The following ENPP3 variants were observed in gnomAD, a reference collection of about 807,000 sequenced individuals.
ENPP3 encodes ectonucleotide pyrophosphatase/phosphodiesterase 3, also known as ectonucleotide pyrophosphatase/phosphodiesterase family member 3.
Under a neutral mutation model 117.8 loss-of-function variants are expected in ENPP3, and 104 were observed. The observed-to-expected ratio is 0.88, with a 90% CI of 0.75 to 1.04. ENPP3 has a LOEUF of 1.04. ENPP3 is among the 50% of genes least tolerant of loss of function. ENPP3 has a pLI of 0.00. For synonymous variants in ENPP3, 380 were observed against 349.9 expected, an observed-to-expected ratio of 1.09 and a Z score of -0.96; for missense variants, 1,026 against 1,051.9, an observed-to-expected ratio of 0.98 and a Z score of 0.34.
chr6:131,722,476 C>T, intron 18 of ENPP3, 71 bp downstream of exon 18: 1 of 1,267,886 alleles, frequency 7.9e-7, no homozygotes, highest in Non-Finnish European at 1.1e-6. Context: ...TAGCTGACAA[C>T]TGGGGTAGCA....
intron 6 of ENPP3, among the ~76,000 whole-genome samples, chr6:131,660,492 A>G (rs1778476186): frequency 6.6e-6 from 1 of 152,258 alleles, no homozygotes; most frequent in South Asian, 2.1e-4. Context: ...GGCCAAGATC[A>G]GGAAACTGTC....
chr6:131,716,473 A>T (rs1779889828), intron 15 of ENPP3, among the ~76,000 whole-genome samples: 1 of 151,972 alleles, frequency 6.6e-6, no homozygotes, highest in African/African-American at 2.4e-5. Context: ...TTTTTCTGAA[A>T]ATAGAAAAAT....
At chr6:131,674,582 C>CT (rs111529330) in intron 8 of ENPP3, among the ~76,000 whole-genome samples, 7,425 of 137,706 alleles carry the variant, frequency 0.054, 351 homozygotes, top group African/African-American at 0.14. Flanking sequence ...TTTTTTTTTT[C>CT]TTTTTTTTTG....
intron 21 of ENPP3, 40 bp from the exon 22 acceptor site, chr6:131,737,315 C>G (rs760975696): frequency 1.6e-6 from 2 of 1,265,614 alleles, no homozygotes; most frequent in Non-Finnish European, 2.3e-6. Flanking sequence ...GTCATATTTT[C>G]TCTTATAGCT....
intron 7 of ENPP3, among the ~76,000 whole-genome samples, chr6:131,671,551 AC>A (rs1778742180): frequency 6.6e-6 from 1 of 152,140 alleles, no homozygotes; most frequent in Non-Finnish European, 1.5e-5. Context: ...AGGTTAATTC[AC>A]CTGTGTCGAG....
At chr6:131,744,435 G>C (rs1437083597) in intron 24 of ENPP3, among the ~76,000 whole-genome samples, 1 of 152,210 alleles carries the variant, frequency 6.6e-6, no homozygotes, top group African/African-American at 2.4e-5. Flanking sequence ...TGCCAAAGGG[G>C]AGAAAGTGGA....
At chr6:131,710,755 T>G (rs1779765143) in intron 15 of ENPP3, 1 of 1,612,426 alleles carries the variant, frequency 6.2e-7, no homozygotes, top group African/African-American at 1.3e-5. Context: ...TTTACATTTT[T>G]CTTCAATTAG....
rs1163509024 is a variant in ENPP3 at position 131,637,306 on chromosome 6, A to G, written c.-79A>G. 1 of 831,164 alleles carries G rather than the reference A, an allele frequency of 1.2e-6. No homozygotes were observed. The highest frequency in any genetic ancestry group is 1.8e-5 in the African/African-American group (1 of 56,986). The allele number at this position is 831,164 out of a possible 1,614,324, so 51.5% of individuals were successfully genotyped here. On this transcript the variant is annotated 5_prime_UTR_variant, in exon 1 of 25. Transcript: ENST00000357639. ...TCAGGCACAGCTATGTAACTCATAC[A>G]GTTTCTCTTTGCCAGACTAGACTAA...
At position 131,720,360 on chromosome 6, in the gene ENPP3, A is replaced by C. The variant is rs758261918; in HGVS notation, c.1548A>C (p.Glu516Asp). 6.3e-7 allele frequency: 1 copy of C among 1,581,860 alleles called. No individual in the cohort carries two copies. The highest frequency in any genetic ancestry group is 2.3e-5 in the East Asian group (1 of 44,222). ...KTEVEPFENI[E>D]VYNLMCDLLR... ...AAGTTGAACCATTTGAAAATATTGA[A>C]GTCTATAACCTAATGTGTGGTAAGT... The change falls in exon 17 of 25, where the codon GAA becomes GAC. Residue 516 changes from glutamate (E) to aspartate (D), a missense_variant. Glu to Asp is a conservative substitution (Grantham distance 45). Coordinates refer to ENST00000357639, the MANE Select transcript of ENPP3 (RefSeq NM_005021.5).
At chr6:131,641,559 T>A in intron 2 of ENPP3, 29 bp downstream of exon 2, 1 of 1,363,364 alleles carries the variant, frequency 7.3e-7, no homozygotes, top group Non-Finnish European at 1.0e-6. Context: ...TCTCAGAACA[T>A]TCCCTTATTT....
At chr6:131,693,045 AAT>A (rs1562455988) in intron 14 of ENPP3, among the ~76,000 whole-genome samples, 2 of 145,708 alleles carry the variant, frequency 1.4e-5, no homozygotes, top group African/African-American at 5.0e-5. Context: ...AGTTATATAT[AAT>A]ATATATGTTT....
chr6:131,689,512 T>C (rs1369672990), intron 14 of ENPP3, among the ~76,000 whole-genome samples: 1 of 152,184 alleles, frequency 6.6e-6, no homozygotes, highest in African/African-American at 2.4e-5. Flanking sequence ...TTAAACTCAC[T>C]GTTGAGACTT....
intron 2 of ENPP3, among the ~76,000 whole-genome samples, chr6:131,648,787 G>T (rs1293429458): frequency 6.6e-6 from 1 of 152,142 alleles, no homozygotes; most frequent in Non-Finnish European, 1.5e-5. Context: ...TTTTCAATGG[G>T]AATGCATAGC....
At chr6:131,720,899 T>A (rs1244501348) in intron 17 of ENPP3, among the ~76,000 whole-genome samples, 1 of 152,124 alleles carries the variant, frequency 6.6e-6, no homozygotes, top group East Asian at 1.9e-4. Flanking sequence ...ATGATAAACT[T>A]TAGATCTCAG....
chr6:131,732,606 T>C (rs1780305007), intron 20 of ENPP3, among the ~76,000 whole-genome samples: 1 of 151,066 alleles, frequency 6.6e-6, no homozygotes, highest in Non-Finnish European at 1.5e-5. Flanking sequence ...AGAGATGGGG[T>C]TTCACTATGT....
chr6:131,724,733 T>G (rs895669224), intron 19 of ENPP3, among the ~76,000 whole-genome samples: 4 of 152,200 alleles, frequency 2.6e-5, no homozygotes, highest in African/African-American at 9.6e-5. Flanking sequence ...GATAATCTTA[T>G]AATCTGCCAA....
At chr6:131,737,308 A>G (rs767687172) in intron 21 of ENPP3, 47 bp from the exon 22 acceptor site, 4 of 1,180,286 alleles carry the variant, frequency 3.4e-6, no homozygotes, top group African/African-American at 1.5e-5. Context: ...GCAGTATGTC[A>G]TATTTTCTCT....
intron 22 of ENPP3, among the ~76,000 whole-genome samples, chr6:131,737,815 C>G (rs529944155): frequency 6.6e-6 from 1 of 152,276 alleles, no homozygotes; most frequent in South Asian, 2.1e-4. Context: ...GCATATTTAA[C>G]TGTAATTTCA....
Position 131,720,246 on chromosome 6 carries a change from A to C in ENPP3, c.1480-46A>C, listed in dbSNP as rs746741194. 5 of 1,226,088 alleles carry C rather than the reference A, an allele frequency of 4.1e-6. No homozygotes were observed. The African/African-American group carries it at 7.7e-5, about 19-fold the overall frequency. The allele number at this position is 1,226,088 out of a possible 1,614,324, so 76.0% of individuals were successfully genotyped here. A position where few individuals can be genotyped will look rare whatever the true frequency, so the allele number is the denominator to read the frequency against. Reference sequence around the variant, plus strand: ...TTGTCTCTTCCTATATTTGTTTTTGAATTTGGATGACATCTAATAATAATA... The same window carrying C: ...TTGTCTCTTCCTATATTTGTTTTTGCATTTGGATGACATCTAATAATAATA... On this transcript the variant is annotated intron_variant, in intron 16 of 24. Transcript: ENST00000357639.
Sources: allele counts gnomAD v4.1 joint callset (sites outside exome capture counted in the v4.1 genomes callset), GRCh38; gene constraint gnomAD v4.1.1; transcripts MANE v1.5; gene names NCBI Gene and HGNC (gene_info 2026-07-23, HGNC 2026-07-21).